The following SNX25 variants were observed in gnomAD, a reference collection of about 807,000 sequenced individuals.
SNX25 encodes the protein sorting nexin-25.
In SNX25, 62 loss-of-function variants were observed where a neutral mutation model predicts 113.7. That is an observed-to-expected ratio of 0.55 (90% CI 0.44 to 0.67). The LOEUF (loss-of-function observed/expected upper bound fraction) is 0.67. SNX25 is among the 30% of genes least tolerant of loss of function. The pLI is 0.00. For synonymous variants in SNX25, 421 were observed against 436.2 expected (o/e 0.97, Z 0.43); for missense variants, 1,014 against 1,161.0 (o/e 0.87, Z 1.84).
At chr4:185,222,005 T>G (rs1739956522) in intron 1 of SNX25, among the ~76,000 whole-genome samples, 1 of 146,730 alleles carries the variant, frequency 6.8e-6, no homozygotes, top group Non-Finnish European at 1.5e-5. Flanking sequence ...TCATGGTAGA[T>G]ATATAGCACC....
intron 7 of SNX25, among the ~76,000 whole-genome samples, chr4:185,319,527 T>TTTA (rs1554005972): frequency 6.6e-6 from 1 of 151,414 alleles, no homozygotes; most frequent in Non-Finnish European, 1.5e-5. Flanking sequence ...TTTTTTTTTT[T>TTTA]ATCACTTTTC....
intron 5 of SNX25, among the ~76,000 whole-genome samples, chr4:185,275,951 A>G (rs910594946): frequency 1.3e-5 from 2 of 152,234 alleles, no homozygotes; most frequent in African/African-American, 2.4e-5. Context: ...AAATACTCTA[A>G]AAGATCTTTC....
chr4:185,250,403 A>T (rs1358054806), intron 2 of SNX25, among the ~76,000 whole-genome samples: 1 of 152,226 alleles, frequency 6.6e-6, no homozygotes, highest in Non-Finnish European at 1.5e-5. Flanking sequence ...TGTAGTTCAC[A>T]GTTGGCAATG....
downstream of SNX25, among the ~76,000 whole-genome samples, chr4:185,372,329 TG>T (rs1338271881): frequency 6.6e-6 from 1 of 152,236 alleles, no homozygotes; most frequent in Non-Finnish European, 1.5e-5. Context: ...TGAAGGCTAA[TG>T]GCATAGAATT....
chr4:185,352,590 A>G (rs1252775666), intron 14 of SNX25, among the ~76,000 whole-genome samples: 3 of 152,110 alleles, frequency 2.0e-5, no homozygotes, highest in Admixed American at 6.5e-5. Flanking sequence ...CAGTCACTCT[A>G]TGAAGTGACT....
chr4:185,234,826 T>C (rs1309842094), intron 1 of SNX25, among the ~76,000 whole-genome samples: 3 of 152,246 alleles, frequency 2.0e-5, no homozygotes, highest in African/African-American at 7.2e-5. Context: ...TTAATTTAAA[T>C]AGTGCAGACA....
At chr4:185,239,589 A>T (rs1453297266) in intron 1 of SNX25, among the ~76,000 whole-genome samples, 1 of 152,220 alleles carries the variant, frequency 6.6e-6, no homozygotes, top group African/African-American at 2.4e-5. Context: ...CTGGGTGATT[A>T]AAAATGATCT....
intron 1 of SNX25, among the ~76,000 whole-genome samples, chr4:185,225,337 T>G (rs1027580820): frequency 9.9e-5 from 15 of 152,206 alleles, no homozygotes; most frequent in South Asian, 4.2e-4. Context: ...TGTTAGCCAG[T>G]ATGGTCTCGA....
chr4:185,275,281 T>G (rs1749503119), intron 5 of SNX25, among the ~76,000 whole-genome samples: 1 of 152,184 alleles, frequency 6.6e-6, no homozygotes, highest in African/African-American at 2.4e-5. Flanking sequence ...GAGAGGGAAT[T>G]TTAGTAATGG....
chr4:185,319,508 C>A (rs1342696922), intron 7 of SNX25, among the ~76,000 whole-genome samples: 2 of 128,326 alleles, frequency 1.6e-5, no homozygotes, highest in African/African-American at 5.7e-5. Context: ...CTGGGAAAGT[C>A]CATTCTTTTT....
At chr4:185,289,256 TC>T (rs147064483) in intron 6 of SNX25, among the ~76,000 whole-genome samples, 39 of 152,274 alleles carry the variant, frequency 2.6e-4, no homozygotes, top group African/African-American at 9.4e-4. Context: ...TGGGAGGCAG[TC>T]AGACAATCAA....
At chr4:185,375,590 C>G in the SNX25 span, 2 of 1,367,080 alleles carry the variant, frequency 1.5e-6, no homozygotes, top group Middle Eastern at 1.9e-4. Context: ...ATCTTAACCA[C>G]TGTGACCAAG....
chr4:185,378,303 C>G, the SNX25 span: 2 of 1,503,126 alleles, frequency 1.3e-6, no homozygotes, highest in Admixed American at 2.5e-5. Flanking sequence ...TTAGGAAAAG[C>G]ATCCTTCTCT....
chr4:185,355,836 A>C (rs1449065078), intron 15 of SNX25, among the ~76,000 whole-genome samples: 1 of 152,194 alleles, frequency 6.6e-6, no homozygotes, highest in Admixed American at 6.5e-5. Flanking sequence ...AGAGTTGATA[A>C]GAATGAGGAC....
chr4:185,300,314 A>G (rs1010276744), intron 6 of SNX25, among the ~76,000 whole-genome samples: 1 of 149,480 alleles, frequency 6.7e-6, no homozygotes, highest in African/African-American at 2.5e-5. Flanking sequence ...GCCTGCCCCC[A>G]CACCCAGCTA....
intron 7 of SNX25, among the ~76,000 whole-genome samples, chr4:185,311,899 C>CT (rs1420943996): frequency 1.3e-5 from 2 of 152,110 alleles, no homozygotes; most frequent in Admixed American, 1.3e-4. Flanking sequence ...CCAAGGAACT[C>CT]TTGTTTTTAT....
At position 185,345,188 on chromosome 4, in the gene SNX25, G is replaced by A. The variant is rs997747265; in HGVS notation, c.2188-1349G>A. ...TGTCATCTTTCCTCGTCTGTGGACTGATGGCTGGGCTATTCTCTTACCCCT... is the reference window on the plus strand; with the variant it reads ...TGTCATCTTTCCTCGTCTGTGGACTAATGGCTGGGCTATTCTCTTACCCCT... On this transcript the variant is annotated intron_variant, in intron 12 of 18. Coordinates refer to ENST00000652585, the MANE Select transcript of SNX25 (RefSeq NM_001378034.2). Among the ~76,000 whole-genome samples the A allele has an allele frequency of 2.6e-5, 4 of 152,190 alleles. No homozygotes were observed. The South Asian group carries it at 6.2e-4, about 24-fold the overall frequency.
At chr4:185,258,279 G>A (rs904520702) in intron 2 of SNX25, among the ~76,000 whole-genome samples, 2 of 152,206 alleles carry the variant, frequency 1.3e-5, no homozygotes, top group African/African-American at 4.8e-5. Context: ...GGAACTTGCT[G>A]TTGGGGTGAA....
intron 3 of SNX25, among the ~76,000 whole-genome samples, chr4:185,263,112 T>C (rs183563743): frequency 3.7e-4 from 56 of 152,334 alleles, no homozygotes; most frequent in Admixed American, 3.0e-3. Context: ...GGAGAGGAAC[T>C]TGTGGCAGTC....
Sources: allele counts gnomAD v4.1 joint callset (sites outside exome capture counted in the v4.1 genomes callset), GRCh38; gene constraint gnomAD v4.1.1; transcripts MANE v1.5; gene names NCBI Gene and HGNC (gene_info 2026-07-23, HGNC 2026-07-21).